COL25A1: variants seen among roughly 807,000 people sequenced by gnomAD.
COL25A1 encodes the protein collagen alpha-1(XXV) chain.
COL25A1 carries 103 observed loss-of-function variants against 128.4 expected under a neutral mutation model. That is an observed-to-expected ratio of 0.80 (90% CI 0.68 to 0.94). COL25A1 has a LOEUF of 0.94. Ranked by LOEUF, COL25A1 falls within the 40% of genes least tolerant of loss-of-function variation. COL25A1 has a pLI of 0.00. For missense variants in COL25A1, 745 were observed against 840.0 expected (o/e 0.89, Z 1.40); for synonymous variants, 279 against 277.2 (o/e 1.01, Z -0.06).
rs376816227 is a variant in COL25A1 at position 109,245,448 on chromosome 4, A to T, written c.367+55135T>A. Among the ~76,000 whole-genome samples the T allele has an allele frequency of 1.4e-3, 196 of 135,438 alleles. 1 individual carries two copies. Among genetic ancestry groups the T allele is most frequent in the Middle Eastern group, 7.2e-3 (2 of 276 alleles). The allele number at this position is 135,438 out of a possible 152,430, so 88.9% of individuals were successfully genotyped here. A position where few individuals can be genotyped will look rare whatever the true frequency, so the allele number is the denominator to read the frequency against. On this transcript the variant is annotated intron_variant, in intron 3 of 37. Transcript: ENST00000399132. Reference sequence around the variant, plus strand: ...AAGCCAAACTTGAAATAACAAAGGTATCCTATCATATGTGTGGAGCATGGT... The same window carrying T: ...AAGCCAAACTTGAAATAACAAAGGTTTCCTATCATATGTGTGGAGCATGGT...
At chr4:109,065,526 T>C (rs1227033694) in intron 3 of COL25A1, among the ~76,000 whole-genome samples, 1 of 142,144 alleles carries the variant, frequency 7.0e-6, no homozygotes, top group Non-Finnish European at 1.5e-5. Flanking sequence ...ACCTTTTTGG[T>C]GCAGCACGCG....
At chr4:109,235,903 A>T (rs1779445732) in intron 3 of COL25A1, among the ~76,000 whole-genome samples, 1 of 152,078 alleles carries the variant, frequency 6.6e-6, no homozygotes, top group South Asian at 2.1e-4. Context: ...TCATTGGCAC[A>T]GATTGGGCAG....
At chr4:109,063,766 T>G (rs1762186030) in intron 3 of COL25A1, among the ~76,000 whole-genome samples, 1 of 152,072 alleles carries the variant, frequency 6.6e-6, no homozygotes, top group African/African-American at 2.4e-5. Context: ...GAAATAAGAC[T>G]GGATAAGTAA....
chr4:109,162,398 G>A (rs17040017), intron 3 of COL25A1, among the ~76,000 whole-genome samples: 1 of 152,204 alleles, frequency 6.6e-6, no homozygotes, highest in Non-Finnish European at 1.5e-5. Context: ...TAATGCAGAA[G>A]AGCGAAAAGA....
At chr4:108,975,827 T>C (rs968298920) in intron 6 of COL25A1, among the ~76,000 whole-genome samples, 3 of 152,170 alleles carry the variant, frequency 2.0e-5, no homozygotes, top group African/African-American at 7.2e-5. Context: ...TGTCTCTTCA[T>C]ACCTTTTGTC....
rs1737138276 is a variant in COL25A1 at position 108,860,972 on chromosome 4, CT to C, written c.1198-2del. 1 of 1,613,402 alleles carries C rather than the reference CT, an allele frequency of 6.2e-7. No individual in the cohort carries two copies. The highest frequency in any genetic ancestry group is 2.2e-5 in the East Asian group (1 of 44,850). ...AGTCCCCTTTTTCTCCACGATCCCC[CT>C]TTTCCCGTTGGAAAGAGAAAAAACT... is the stretch of plus-strand genomic sequence containing the variant. On this transcript the variant is annotated splice_acceptor_variant, in intron 22 of 37. Coordinates refer to ENST00000399132, the MANE Select transcript of COL25A1 (RefSeq NM_198721.4). LOFTEE classifies it high-confidence loss of function.
intron 3 of COL25A1, among the ~76,000 whole-genome samples, chr4:109,196,050 ATGT>A (rs1208426201): frequency 1.3e-5 from 2 of 152,284 alleles, no homozygotes; most frequent in East Asian, 1.9e-4. Flanking sequence ...CAAAGAGTAA[ATGT>A]TGTACTTTGC....
chr4:109,039,273 C>T (rs1280536596), intron 5 of COL25A1, among the ~76,000 whole-genome samples: 2 of 152,158 alleles, frequency 1.3e-5, no homozygotes, highest in Non-Finnish European at 2.9e-5. Flanking sequence ...TCTAAGACTG[C>T]ATACTTTTAG....
chr4:108,864,947 A>G lies in COL25A1; in HGVS notation c.1084-1560T>C, dbSNP rs991142253. 5.3e-5 allele frequency among the ~76,000 whole-genome samples: 8 copies of G among 152,370 alleles called. No homozygotes were observed. The East Asian group carries it at 9.6e-4, about 18-fold the overall frequency. ...AAGTGGGTAAAACTGATGGTACTCG[A>G]TCTTCAACTTTTGCATAAATGTTTC... is the stretch of plus-strand genomic sequence containing the variant. On this transcript the variant is annotated intron_variant, in intron 20 of 37. Transcript: ENST00000399132.
chr4:108,813,587 C>A lies in COL25A1; in HGVS notation c.*340G>T. On this transcript the variant is annotated 3_prime_UTR_variant, in exon 38 of 38. Transcript: ENST00000399132. ...GGTCACCATTTCATGTAAACTATTT[C>A]ATGGCACTTTTTGTCCATGCAATTA... The A allele has an allele frequency of 8.1e-6, 2 of 248,158 alleles. 1 individual carries two copies. 15.4% of individuals were successfully genotyped at this position (248,158 alleles called of 1,614,324 possible). A position where few individuals can be genotyped will look rare whatever the true frequency, so the allele number is the denominator to read the frequency against.
chr4:108,988,531 TC>T (rs1437169921), intron 6 of COL25A1, among the ~76,000 whole-genome samples: 2 of 152,200 alleles, frequency 1.3e-5, no homozygotes, highest in Non-Finnish European at 2.9e-5. Flanking sequence ...TTGCACAGTC[TC>T]CTGGAGAGGA....
chr4:109,196,869 A>C (rs1472962223), intron 3 of COL25A1, among the ~76,000 whole-genome samples: 1 of 152,240 alleles, frequency 6.6e-6, no homozygotes, highest in Non-Finnish European at 1.5e-5. Context: ...GCTAGTCTTT[A>C]ACACAATTAT....
intron 20 of COL25A1, among the ~76,000 whole-genome samples, chr4:108,866,520 G>A (rs747175723): frequency 3.3e-5 from 5 of 152,140 alleles, no homozygotes; most frequent in Admixed American, 6.5e-5. Flanking sequence ...TAGCCTGATA[G>A]AGGTCCCTCT....
At chr4:109,014,664 A>C (rs1045781290) in intron 5 of COL25A1, among the ~76,000 whole-genome samples, 1 of 152,248 alleles carries the variant, frequency 6.6e-6, no homozygotes, top group Admixed American at 6.5e-5. Flanking sequence ...CTAAAAACTG[A>C]CATCTATATA....
chr4:109,088,191 T>C (rs142129899), intron 3 of COL25A1, among the ~76,000 whole-genome samples: 52 of 152,264 alleles, frequency 3.4e-4, no homozygotes, highest in Non-Finnish European at 5.1e-4. Flanking sequence ...CTTGAGAAAG[T>C]TGATACAGTT....
chr4:108,829,725 G>GAAC (rs1479247030), intron 32 of COL25A1, among the ~76,000 whole-genome samples: 2 of 152,104 alleles, frequency 1.3e-5, no homozygotes, highest in Non-Finnish European at 2.9e-5. Flanking sequence ...TACTCTTCTA[G>GAAC]AACAGCCCAC....
intron 19 of COL25A1, among the ~76,000 whole-genome samples, chr4:108,871,004 C>CATAT (rs1738643492): frequency 6.6e-6 from 1 of 152,108 alleles, no homozygotes; most frequent in African/African-American, 2.4e-5. Context: ...ATTTCTTATA[C>CATAT]ATATTTCTTA....
intron 19 of COL25A1, among the ~76,000 whole-genome samples, chr4:108,870,782 C>T (rs932630166): frequency 2.0e-5 from 3 of 152,126 alleles, no homozygotes; most frequent in Non-Finnish European, 2.9e-5. Context: ...AAGAGAAATG[C>T]TGTGTTAAAG....
chr4:109,211,573 C>T (rs1219328158), intron 3 of COL25A1, among the ~76,000 whole-genome samples: 1 of 150,640 alleles, frequency 6.6e-6, no homozygotes, highest in Admixed American at 6.6e-5. Context: ...CATCAGTGGG[C>T]ATCCCATTCT....
Sources: allele counts gnomAD v4.1 joint callset (sites outside exome capture counted in the v4.1 genomes callset), GRCh38; gene constraint gnomAD v4.1.1; transcripts MANE v1.5; gene names NCBI Gene and HGNC (gene_info 2026-07-23, HGNC 2026-07-21).